MYBL1: variants seen among roughly 807,000 people sequenced by gnomAD.
MYBL1 encodes myb-related protein A.
MYBL1 carries 17 observed loss-of-function variants against 96.3 expected under a neutral mutation model. The ratio of observed to expected loss-of-function variants is 0.18; its 90% CI spans 0.12 to 0.26. The LOEUF (loss-of-function observed/expected upper bound fraction) is 0.26. Ranked by LOEUF, MYBL1 falls within the 10% of genes least tolerant of loss-of-function variation. The pLI is 1.00. For synonymous variants in MYBL1, 282 were observed against 292.7 expected (o/e 0.96, Z 0.37); for missense variants, 701 against 882.9 (o/e 0.79, Z 2.61).
chr8:66,596,910 C>A (rs1365995579), intron 5 of MYBL1, among the ~76,000 whole-genome samples: 2 of 152,138 alleles, frequency 1.3e-5, no homozygotes, highest in Non-Finnish European at 2.9e-5. Context: ...TTCCCCAACA[C>A]ACTTTCATAG....
Position 66,580,219 on chromosome 8 carries a change from T to C in MYBL1, c.1015A>G (p.Lys339Glu), listed in dbSNP as rs757231401. The change falls in exon 9 of 16, where the codon AAG becomes GAG. Residue 339 changes from lysine to glutamate, a missense_variant. Around this residue, in one of 5 missense-constraint regions of MYBL1, gnomAD observed 396 missense variants for 407.4 expected, o/e 0.97. Coordinates refer to ENST00000522677, the MANE Select transcript of MYBL1 (RefSeq NM_001080416.4). ...PVSAQQNSPT[K>E]FLAVEANAVL... is the part of the protein sequence containing the mutation. Reference sequence around the variant, plus strand: ...GCGTTTGCCTCCACGGCCAGGAACTTTGTGGGTGAATTCTGCTGAGCAGAC... The same window carrying C: ...GCGTTTGCCTCCACGGCCAGGAACTCTGTGGGTGAATTCTGCTGAGCAGAC... The C allele has an allele frequency of 1.2e-6, 2 of 1,613,956 alleles. No homozygotes were observed. Among genetic ancestry groups the C allele is most frequent in the South Asian group, 2.2e-5 (2 of 91,080 alleles).
At chr8:66,568,753 G>A (rs918439814) in intron 12 of MYBL1, among the ~76,000 whole-genome samples, 5 of 152,060 alleles carry the variant, frequency 3.3e-5, no homozygotes, top group South Asian at 2.1e-4. Flanking sequence ...CCAGCCGGGC[G>A]CAGTGGCTCA....
intron 8 of MYBL1, among the ~76,000 whole-genome samples, chr8:66,588,223 T>TG (rs988023400): frequency 4.0e-5 from 6 of 150,134 alleles, no homozygotes; most frequent in African/African-American, 1.5e-4. Context: ...GGGCGATAAC[T>TG]GGGCCCAGTG....
intron 8 of MYBL1, among the ~76,000 whole-genome samples, chr8:66,591,101 C>T (rs889957640): frequency 7.9e-5 from 12 of 152,148 alleles, no homozygotes; most frequent in African/African-American, 2.7e-4. Context: ...CTAATCCCAG[C>T]ACTTTGGGAG....
rs867317639 is a variant in MYBL1, at chr8:66,597,607, A to C, written c.292-57T>G. Reference sequence around the variant, plus strand: ...CATTACCTTCAAAGAATTTTAAAACATAATTCAAGAATACCATTTTAAATA... The same window carrying C: ...CATTACCTTCAAAGAATTTTAAAACCTAATTCAAGAATACCATTTTAAATA... On this transcript the variant is annotated intron_variant, in intron 4 of 15. Transcript: ENST00000522677. 160 of 1,051,770 alleles carry C rather than the reference A, an allele frequency of 1.5e-4. 3 individuals are homozygous for C. The South Asian group carries it at 2.5e-3, about 16-fold the overall frequency. 65.2% of individuals were successfully genotyped at this position (1,051,770 alleles called of 1,614,324 possible). A position where few individuals can be genotyped will look rare whatever the true frequency, so the allele number is the denominator to read the frequency against.
rs77192133 is a variant in MYBL1 at position 66,598,885 on chromosome 8, C to T, written c.291+165G>A. On this transcript the variant is annotated intron_variant, in intron 4 of 15. Coordinates refer to ENST00000522677, the MANE Select transcript of MYBL1 (RefSeq NM_001080416.4). The stretch of plus-strand genomic sequence containing the variant: ...TTGGTTTGACTCAATTTTCTAAAAA[C>T]CCAACAACATTTCCAGACACTTAAC... Among the ~76,000 whole-genome samples, 281 of 152,220 alleles carry T rather than the reference C, an allele frequency of 1.8e-3. 1 individual carries two copies. The highest frequency in any genetic ancestry group is 6.3e-3 in the African/African-American group (263 of 41,538).
In MYBL1 at chr8:66,562,932, A is replaced by G. The variant is rs1464986857; in HGVS notation, c.*1765T>C. 1.3e-5 allele frequency: 2 copies of G among 148,740 alleles called. No individual in the cohort carries two copies. The highest frequency in any genetic ancestry group is 3.0e-5 in the Non-Finnish European group (2 of 67,348). 9.2% of individuals were successfully genotyped at this position (148,740 alleles called of 1,614,324 possible). A position where few individuals can be genotyped will look rare whatever the true frequency, so the allele number is the denominator to read the frequency against. The stretch of plus-strand genomic sequence containing the variant: ...TATATATATATATAAATATATATAT[A>G]TATAAAATATGCAAAAACTAGCAAG... On this transcript the variant is annotated 3_prime_UTR_variant, in exon 16 of 16. Transcript: ENST00000522677.
chr8:66,602,824 C>T (rs1228744118), intron 1 of MYBL1, among the ~76,000 whole-genome samples: 2 of 142,162 alleles, frequency 1.4e-5, no homozygotes, highest in Non-Finnish European at 3.0e-5. Context: ...CGGCTCACTG[C>T]AAGCTCCGCC....
intron 8 of MYBL1, among the ~76,000 whole-genome samples, chr8:66,586,854 G>A (rs1373173997): frequency 6.6e-6 from 1 of 151,966 alleles, no homozygotes; most frequent in Non-Finnish European, 1.5e-5. Flanking sequence ...ATACTATTTA[G>A]CCATAAAAAT....
At chr8:66,611,705 GA>G (rs1389681497) in intron 1 of MYBL1, among the ~76,000 whole-genome samples, 1 of 152,182 alleles carries the variant, frequency 6.6e-6, no homozygotes, top group Non-Finnish European at 1.5e-5. Context: ...AGCTTACAGA[GA>G]CTTAAGGATT....
chr8:66,609,955 T>G (rs1222545186), intron 1 of MYBL1, among the ~76,000 whole-genome samples: 1 of 152,002 alleles, frequency 6.6e-6, no homozygotes, highest in Non-Finnish European at 1.5e-5. Context: ...CACAGTAAAA[T>G]TGGTTCCTAT....
rs143827765 is a variant in MYBL1, at chr8:66,598,080, T to C, written c.292-530A>G. ...TTACCTCACTGCCCTATGTCAAATA[T>C]CATCTCATAAACATTTTATATTGGT... On this transcript the variant is annotated intron_variant, in intron 4 of 15. Coordinates refer to ENST00000522677, the MANE Select transcript of MYBL1 (RefSeq NM_001080416.4). Among the ~76,000 whole-genome samples the C allele has an allele frequency of 1.1e-4, 17 of 152,274 alleles. No homozygotes were observed. In the East Asian group the frequency reaches 2.1e-3, roughly 19 times the overall value.
intron 12 of MYBL1, among the ~76,000 whole-genome samples, chr8:66,571,474 T>C (rs1294979054): frequency 2.0e-5 from 3 of 152,248 alleles, no homozygotes; most frequent in Admixed American, 2.0e-4. Context: ...GTACCCTGAT[T>C]AGTTTCCTAA....
intron 9 of MYBL1, among the ~76,000 whole-genome samples, chr8:66,577,096 C>T (rs1245609015): frequency 1.3e-5 from 2 of 151,714 alleles, no homozygotes; most frequent in Non-Finnish European, 2.9e-5. Flanking sequence ...TAAGAGCTAT[C>T]TATGACAAAC....
intron 12 of MYBL1, among the ~76,000 whole-genome samples, chr8:66,570,312 C>CTTT (rs761701052): frequency 1.5e-5 from 2 of 133,692 alleles, no homozygotes; most frequent in African/African-American, 5.4e-5. Context: ...TTGTTTTTGT[C>CTTT]TTTTTTTTTT....
At chr8:66,567,410 C>T (rs73261767) in intron 12 of MYBL1, among the ~76,000 whole-genome samples, 19,138 of 151,886 alleles carry the variant, frequency 0.13, 2,840 homozygotes, top group African/African-American at 0.35. Flanking sequence ...CTAGTTAACA[C>T]GTTTGTTACC....
At chr8:66,606,189 A>G (rs1810305551) in intron 1 of MYBL1, among the ~76,000 whole-genome samples, 1 of 152,216 alleles carries the variant, frequency 6.6e-6, no homozygotes, top group Admixed American at 6.5e-5. Context: ...GTAACCTTGA[A>G]CATGTTAACC....
In MYBL1 at chr8:66,600,108, G is replaced by A. The variant is rs149973926; in HGVS notation, c.199-966C>T. Among the ~76,000 whole-genome samples the A allele has an allele frequency of 1.0e-3, 152 of 152,244 alleles. 2 individuals carry two copies. In the East Asian group the frequency reaches 0.024, roughly 24 times the overall value. Reference sequence around the variant, plus strand: ...AATTCACCAGAATAAGAAATCCTACGCAGTATCTGGGTAGAAACATCTCAA... The same window carrying A: ...AATTCACCAGAATAAGAAATCCTACACAGTATCTGGGTAGAAACATCTCAA... On this transcript the variant is annotated intron_variant, in intron 3 of 15. Transcript: ENST00000522677.
intron 3 of MYBL1, among the ~76,000 whole-genome samples, chr8:66,600,414 C>T (rs950125543): frequency 6.6e-6 from 1 of 152,226 alleles, no homozygotes; most frequent in Admixed American, 6.5e-5. Flanking sequence ...CATTTTAAGG[C>T]TGACACTTTC....
Sources: gnomAD v4.1 joint callset for allele counts (sites outside exome capture counted in the v4.1 genomes callset) on GRCh38, gnomAD v4.1.1 for gene constraint, gnomAD v4.1.1 regional missense constraint, MANE v1.5 for transcripts, NCBI Gene and HGNC (gene_info 2026-07-23, HGNC 2026-07-21) for gene names.